Variants in ATP13A4 observed in about 807,000 individuals in gnomAD.
ATP13A4 encodes the protein probable cation-transporting ATPase 13A4.
ATP13A4 carries 114 observed loss-of-function variants against 142.5 expected under a neutral mutation model. The ratio of observed to expected loss-of-function variants is 0.80; its 90% CI spans 0.69 to 0.93. ATP13A4 has a LOEUF of 0.93. Ranked by LOEUF, ATP13A4 falls within the 40% of genes least tolerant of loss-of-function variation. ATP13A4 has a pLI of 0.00. For synonymous variants in ATP13A4, 488 were observed against 514.8 expected (o/e 0.95, Z 0.70); for missense variants, 1,392 against 1,454.0 (o/e 0.96, Z 0.69).
rs549609779 is a variant in ATP13A4 at position 193,401,460 on chromosome 3, A to T, written c.*1192T>A. 6.6e-6 allele frequency among the ~76,000 whole-genome samples: 1 copy of T among 152,320 alleles called. No individual in the cohort carries two copies. The highest frequency in any genetic ancestry group is 2.1e-4 in the South Asian group (1 of 4,830). On this transcript the variant is annotated 3_prime_UTR_variant, in exon 30 of 30. Coordinates refer to ENST00000342695, the MANE Select transcript of ATP13A4 (RefSeq NM_032279.4). ...GTGCCATATAATGCTGTAGCATGAG[A>T]CTAATGTTTCTCAAAAATAATAAAG...
intron 3 of ATP13A4, among the ~76,000 whole-genome samples, chr3:193,501,789 C>G (rs1720559395): frequency 6.6e-6 from 1 of 151,978 alleles, no homozygotes; most frequent in Non-Finnish European, 1.5e-5. Flanking sequence ...ATAATCCAAG[C>G]AGAACTAATT....
At chr3:193,538,754 T>C (rs1722720598) in intron 1 of ATP13A4, among the ~76,000 whole-genome samples, 2 of 152,088 alleles carry the variant, frequency 1.3e-5, no homozygotes, top group African/African-American at 4.8e-5. Flanking sequence ...ACATTTTCTG[T>C]AATGTCCCAG....
chr3:193,507,607 G>A (rs1317723855), intron 2 of ATP13A4, among the ~76,000 whole-genome samples: 1 of 152,186 alleles, frequency 6.6e-6, no homozygotes, highest in Non-Finnish European at 1.5e-5. Flanking sequence ...ACAAAACAAG[G>A]AAATCTAGCA....
chr3:193,466,038 T>C lies in ATP13A4; in HGVS notation c.1259A>G (p.Tyr420Cys). The change falls in exon 11 of 30, where the codon TAT becomes TGT. Residue 420 changes from tyrosine to cysteine, a missense_variant. By Grantham distance (194) the Tyr-to-Cys change is radical. Transcript: ENST00000342695. ...AAGACAGCTTACCCCACTAAGCACA[T>C]AGACACACAGAGTATAGATCATCCC... ...TIGMIYTLCV[Y>C]VLSGEPPEEV... The C allele has an allele frequency of 1.2e-6, 2 of 1,614,140 alleles. No homozygotes were observed. Among genetic ancestry groups the C allele is most frequent in the East Asian group, 2.2e-5 (1 of 44,870 alleles).
At chr3:193,467,024 T>C (rs1380969409) in intron 10 of ATP13A4, among the ~76,000 whole-genome samples, 1 of 152,108 alleles carries the variant, frequency 6.6e-6, no homozygotes, top group Non-Finnish European at 1.5e-5. Context: ...TTATATATTT[T>C]TAAATAACTT....
intron 29 of ATP13A4, chr3:193,404,214 C>T (rs977555101): frequency 2.1e-6 from 2 of 942,148 alleles, no homozygotes; most frequent in South Asian, 4.9e-5. Flanking sequence ...ATCTTACTTA[C>T]TTCAAGGAAA....
In ATP13A4 at chr3:193,462,813, A is replaced by C; in HGVS notation, c.1472T>G (p.Leu491Ter). The C allele has an allele frequency of 6.2e-7, 1 of 1,613,940 alleles. No homozygotes were observed. The highest frequency in any genetic ancestry group is 8.5e-7 in the Non-Finnish European group (1 of 1,179,852). The change falls in exon 13 of 30, where the codon TTA becomes TGA. Residue 491 changes from leucine (L) to a stop codon, truncating the protein, a stop_gained. Coordinates refer to ENST00000342695, the MANE Select transcript of ATP13A4 (RefSeq NM_032279.4). LOFTEE classifies it high-confidence loss of function. Reference sequence around the variant, plus strand: ...CCAGAGGTCCAAGCCGTCCCTTGTTAAGGTGCCTGTCTAAACAGAAACAAA... The same window carrying C: ...CCAGAGGTCCAAGCCGTCCCTTGTTCAGGTGCCTGTCTAAACAGAAACAAA... ...NLVCFDKTGT[L>*]TRDGLDLWGV...
At position 193,457,458 on chromosome 3, in the gene ATP13A4, G is replaced by A. The variant is rs1403063224; in HGVS notation, c.1682C>T (p.Ala561Val). The A allele has an allele frequency of 4.3e-6, 7 of 1,613,612 alleles. No individual in the cohort carries two copies. Among genetic ancestry groups the A allele is most frequent in the Admixed American group, 3.3e-5 (2 of 60,000 alleles). The change falls in exon 15 of 30, where the codon GCT becomes GTT. Residue 561 changes from alanine (A) to valine (V), a missense_variant. Ala to Val is a moderately conservative substitution (Grantham distance 64). Coordinates refer to ENST00000342695, the MANE Select transcript of ATP13A4 (RefSeq NM_032279.4). Reference protein sequence around the residue: ...KMFEATTWEMAFSGDDFHIKG... With the variant: ...KMFEATTWEMVFSGDDFHIKG... Reference sequence around the variant, plus strand: ...GATGTGGAAATCGTCCCCAGAAAAAGCCATTTCCTATTTCACAAATAGGAT... The same window carrying A: ...GATGTGGAAATCGTCCCCAGAAAAAACCATTTCCTATTTCACAAATAGGAT...
In ATP13A4 at chr3:193,460,567, A is replaced by G. The variant is rs150665694; in HGVS notation, c.1524-1336T>C. Among the ~76,000 whole-genome samples the G allele has an allele frequency of 3.3e-5, 5 of 152,368 alleles. No individual in the cohort carries two copies. In the East Asian group the frequency reaches 9.6e-4, roughly 29 times the overall value. ...AAAGAGCAGCTCATCTTGGTGGTTTACCACATACCCAATGGTATTTTAGTA... is the reference window on the plus strand; with the variant it reads ...AAAGAGCAGCTCATCTTGGTGGTTTGCCACATACCCAATGGTATTTTAGTA... On this transcript the variant is annotated intron_variant, in intron 13 of 29. Transcript: ENST00000342695.
chr3:193,406,704 C>T (rs886332930), intron 29 of ATP13A4, among the ~76,000 whole-genome samples: 7 of 152,148 alleles, frequency 4.6e-5, no homozygotes, highest in African/African-American at 1.2e-4. Context: ...ATTTCCCATC[C>T]GCAAGGCAAA....
At position 193,498,158 on chromosome 3, in the gene ATP13A4, T is replaced by C. The variant is rs117799173; in HGVS notation, c.381+4335A>G. Among the ~76,000 whole-genome samples the C allele has an allele frequency of 3.6e-4, 55 of 152,252 alleles. No homozygotes were observed. In the East Asian group the frequency reaches 6.5e-3, roughly 18 times the overall value. The stretch of plus-strand genomic sequence containing the variant: ...TTGATTTATACATAATGTATACATG[T>C]ATCAAAATATCACACTGTACCCCAT... On this transcript the variant is annotated intron_variant, in intron 3 of 29. Coordinates refer to ENST00000342695, the MANE Select transcript of ATP13A4 (RefSeq NM_032279.4).
chr3:193,555,012 A>T (rs1006875127), upstream of ATP13A4: 15 of 1,214,390 alleles, frequency 1.2e-5, no homozygotes, highest in African/African-American at 1.5e-5. Context: ...GCTAGGAGGA[A>T]TTGCTGGCTG....
chr3:193,523,847 T>G (rs1444316795), intron 1 of ATP13A4, among the ~76,000 whole-genome samples: 1 of 152,098 alleles, frequency 6.6e-6, no homozygotes, highest in Non-Finnish European at 1.5e-5. Context: ...GGGGCGCAGA[T>G]CCATTACGAA....
chr3:193,535,345 C>T (rs574178901), intron 1 of ATP13A4, among the ~76,000 whole-genome samples: 35 of 152,154 alleles, frequency 2.3e-4, no homozygotes, highest in Admixed American at 2.0e-3. Context: ...TCTTCTCCAA[C>T]CAGAATAGAA....
intron 9 of ATP13A4, 88 bp from the exon 10 acceptor site, chr3:193,467,574 T>A (rs1718376648): frequency 7.6e-7 from 1 of 1,321,154 alleles, no homozygotes; most frequent in Non-Finnish European, 1.1e-6. Flanking sequence ...ACAACAGACA[T>A]TTTTTTTGTG....
chr3:193,430,140 A>AAATAAATTTCAAATAGAATTTTCTG (rs1715890551), intron 25 of ATP13A4, among the ~76,000 whole-genome samples: 1 of 151,842 alleles, frequency 6.6e-6, no homozygotes, highest in Non-Finnish European at 1.5e-5. Context: ...AGAATTTTCT[A>AAATAAATTTCAAATAGAATTTTCTG]TTCGAAATAA....
chr3:193,566,791 A>T (rs1019195519), intron 2 of ATP13A4, among the ~76,000 whole-genome samples: 8 of 152,216 alleles, frequency 5.3e-5, no homozygotes, highest in Admixed American at 2.0e-4. Context: ...TGTTGTGGTT[A>T]ACAATATTTT....
At chr3:193,553,042 T>G (rs773581810) in intron 1 of ATP13A4, among the ~76,000 whole-genome samples, 8 of 152,232 alleles carry the variant, frequency 5.3e-5, no homozygotes, top group Admixed American at 2.6e-4. Flanking sequence ...TGGCCAGGTT[T>G]CTGTAGGCAG....
intron 7 of ATP13A4, among the ~76,000 whole-genome samples, chr3:193,484,310 A>T (rs1002949011): frequency 3.5e-5 from 5 of 144,590 alleles, no homozygotes; most frequent in Admixed American, 6.9e-5. Context: ...ACTCTGTCTC[A>T]AAATAAATAA....
Sources: allele counts gnomAD v4.1 joint callset (sites outside exome capture counted in the v4.1 genomes callset), GRCh38; gene constraint gnomAD v4.1.1; transcripts MANE v1.5; gene names NCBI Gene and HGNC (gene_info 2026-07-23, HGNC 2026-07-21).